PRKDC: variants seen among roughly 807,000 people sequenced by gnomAD.
The protein encoded by PRKDC is protein kinase, DNA-activated, catalytic subunit, also known as DNA-dependent protein kinase catalytic subunit.
A neutral mutation model predicts 486.9 loss-of-function variants in PRKDC; 82 were observed. The ratio of observed to expected loss-of-function variants is 0.17; its 90% confidence interval spans 0.14 to 0.20. The LOEUF (loss-of-function observed/expected upper bound fraction) is 0.20. PRKDC is among the 10% of genes least tolerant of loss of function. The pLI, the probability that PRKDC is intolerant of heterozygous loss-of-function variation, is 1.00. For missense variants in PRKDC, 4,504 were observed against 5,038.2 expected, an observed-to-expected ratio of 0.89 and a Z score of 3.21; for synonymous variants, 1,895 against 1,837.0, an observed-to-expected ratio of 1.03 and a Z score of -0.81.
chr8:47,863,613 A>C (rs1294059250), intron 41 of PRKDC, 36 bp from the exon 42 acceptor site: 31 of 1,514,384 alleles, frequency 2.0e-5, no homozygotes, highest in Non-Finnish European at 2.7e-5. Context: ...CTTTGGTCTT[A>C]TTAAACATGA....
At position 47,828,229 on chromosome 8, in the gene PRKDC, T is replaced by C; in HGVS notation, c.8516A>G (p.Asp2839Gly). The change falls in exon 62 of 86, where the codon GAC becomes GGC. Residue 2839 changes from aspartate (D) to glycine (G), a missense_variant. Transcript: ENST00000314191. ...KNNITQKLLQ[D>G]FNRFLNTTFS... ...GGTGGTATTAAGAAAACGATTGAAG[T>C]CTTGAAGCAACTTTTGAGTGATGTT... The C allele has an allele frequency of 1.2e-6, 2 of 1,613,756 alleles. No homozygotes were observed. Among genetic ancestry groups the C allele is most frequent in the East Asian group, 2.2e-5 (1 of 44,844 alleles).
chr8:47,819,755 C>CTA (rs2087541681), intron 66 of PRKDC, among the ~76,000 whole-genome samples: 1 of 152,120 alleles, frequency 6.6e-6, no homozygotes, highest in Non-Finnish European at 1.5e-5. Context: ...CATCACCAGG[C>CTA]TATCACTGCC....
Position 47,902,538 on chromosome 8 carries a change from GTT to G in PRKDC, c.3269+29_3269+30del, listed in dbSNP as rs778042430. On this transcript the variant is annotated intron_variant, in intron 27 of 85. Transcript: ENST00000314191. ...TCCAAGTCACCTTTCAAAACCACAA[GTT>G]TCTCTTCTCTGTTGTGTAGCTTACA... The G allele has an allele frequency of 2.1e-6, 3 of 1,424,698 alleles. No individual in the cohort carries two copies. The African/African-American group carries it at 4.3e-5, about 20-fold the overall frequency. 88.3% of individuals were successfully genotyped at this position (1,424,698 alleles called of 1,614,324 possible).
chr8:47,933,899 T>G, intron 15 of PRKDC, 66 bp downstream of exon 15: 1 of 1,452,576 alleles, frequency 6.9e-7, no homozygotes, highest in Admixed American at 2.1e-5. Context: ...ATAAGTCTTA[T>G]GTCTAAACTA....
Position 47,837,382 on chromosome 8 carries a change from A to G in PRKDC, c.7591T>C (p.Leu2531=). ...AACCGGTCCAAGGTATTTGAAGGTAACCTAGTTTCATGGCTCCAGAAATTT... is the reference window on the plus strand; with the variant it reads ...AACCGGTCCAAGGTATTTGAAGGTAGCCTAGTTTCATGGCTCCAGAAATTT... The part of the protein sequence containing the change: ...IRNFWSHETR[L]PSNTLDRLLA... Residue 2531 remains leucine (L), a synonymous_variant, in exon 57 of 86, where the codon TTA becomes CTA. Coordinates refer to ENST00000314191, the MANE Select transcript of PRKDC (RefSeq NM_006904.7). 6.2e-7 allele frequency: 1 copy of G among 1,612,210 alleles called. No individual in the cohort carries two copies. The highest frequency in any genetic ancestry group is 2.2e-5 in the East Asian group (1 of 44,864).
rs8178235 is a variant in PRKDC at position 47,785,144 on chromosome 8, C to T, written c.11076G>A (p.Val3692=). ...TCTCCAGCTCATTTCTCAGGAACTC[C>T]ACTTTGAAGTCGCTCATCCAGGGTG... ...ECSPWMSDFK[V]EFLRNELEIP... Residue 3692 remains valine, a synonymous_variant, in exon 77 of 86, where the codon GTG becomes GTA. Coordinates refer to ENST00000314191, the MANE Select transcript of PRKDC (RefSeq NM_006904.7). The T allele has an allele frequency of 1.0e-3, 1,685 of 1,613,966 alleles. 24 individuals are homozygous for T. In the East Asian group the frequency reaches 0.034, roughly 32 times the overall value.
chr8:47,904,155 C>T (rs1271045992), intron 26 of PRKDC, among the ~76,000 whole-genome samples: 1 of 152,172 alleles, frequency 6.6e-6, no homozygotes, highest in Non-Finnish European at 1.5e-5. Context: ...AATGCTTCTC[C>T]GTGTCAGGAG....
chr8:47,959,978 A>G lies in PRKDC; in HGVS notation c.149T>C (p.Val50Ala), dbSNP rs1339010531. The G allele has an allele frequency of 6.6e-7, 1 of 1,526,176 alleles. No individual in the cohort carries two copies. Among genetic ancestry groups the G allele is most frequent in the Admixed American group, 2.0e-5 (1 of 50,754 alleles). 94.5% of individuals were successfully genotyped at this position (1,526,176 alleles called of 1,614,324 possible). The change falls in exon 1 of 86, where the codon GTG (valine) becomes GCG (alanine). Residue 50 changes from valine to alanine, a missense_variant. Physicochemically the swap from Val to Ala is moderately conservative, Grantham distance 64. Transcript: ENST00000314191. ...CAGCTCGGGCCGGTACCCACCCAGC[A>G]CCGCGGGGCTGCTGCTCAGGACGCA... ...QECVLSSSPAVLALQTSLVFS... is the reference protein window; with the variant it reads ...QECVLSSSPAALALQTSLVFS...
intron 65 of PRKDC, 67 bp from the exon 66 acceptor site, chr8:47,821,010 TC>T (rs776834578): frequency 1.7e-4 from 172 of 991,488 alleles, no homozygotes; most frequent in Non-Finnish European, 2.2e-4. Context: ...TTATTTTATT[TC>T]TATTATATTC....
At chr8:47,814,564 A>G (rs1331858327) in intron 68 of PRKDC, among the ~76,000 whole-genome samples, 1 of 152,214 alleles carries the variant, frequency 6.6e-6, no homozygotes, top group South Asian at 2.1e-4. Flanking sequence ...ATACAATTTT[A>G]AAAATAAATC....
intron 10 of PRKDC, among the ~76,000 whole-genome samples, chr8:47,940,430 G>A (rs2154503996): frequency 6.6e-6 from 1 of 151,986 alleles, no homozygotes; most frequent in South Asian, 2.1e-4. Context: ...ATTATCAAAG[G>A]CAGAAAAAAA....
intron 73 of PRKDC, 36 bp from the exon 74 acceptor site, chr8:47,794,537 A>T (rs377171409): frequency 1.2e-5 from 17 of 1,465,680 alleles, no homozygotes; most frequent in Non-Finnish European, 1.6e-5. Context: ...GCTGAGTAAA[A>T]CATCTCACAT....
rs1329099601 is a variant in PRKDC, at chr8:47,900,465, T to C, written c.3272A>G (p.Glu1091Gly). 1 of 1,603,372 alleles carries C rather than the reference T, an allele frequency of 6.2e-7. No homozygotes were observed. Among genetic ancestry groups the C allele is most frequent in the East Asian group, 2.2e-5 (1 of 44,706 alleles). ...AFNNIYREFR[E>G]EESLVEQFVF... ...AAACTGTTCCACCAGAGACTCTTCT[T>C]CCCTGTAAAATAAAGAATAGGAAAC... The change falls in exon 28 of 86, where the codon GAA (glutamate) becomes GGA (glycine). Residue 1091 changes from glutamate to glycine, a missense_variant and splice_region_variant. By Grantham distance (98) the Glu-to-Gly change is moderately conservative. Around this residue, in one of 6 missense-constraint regions of PRKDC, gnomAD observed 1,969 missense variants for 2,068.9 expected, o/e 0.95. Transcript: ENST00000314191.
At chr8:47,831,694 C>G in intron 60 of PRKDC, 120 bp downstream of exon 60, 1 of 1,100,214 alleles carries the variant, frequency 9.1e-7, no homozygotes, top group East Asian at 2.4e-5. Flanking sequence ...TTGGAGCAGT[C>G]CCGCAACCTG....
intron 85 of PRKDC, 96 bp from the exon 86 acceptor site, chr8:47,774,473 C>T: frequency 1.8e-6 from 2 of 1,131,042 alleles, no homozygotes; most frequent in Non-Finnish European, 2.5e-6. Context: ...TTCCCCACGT[C>T]ATCACTCACA....
intron 84 of PRKDC, 113 bp downstream of exon 84, chr8:47,777,573 G>C: frequency 8.7e-7 from 1 of 1,148,568 alleles, no homozygotes; most frequent in Admixed American, 2.4e-5. Context: ...ACAAAATAAT[G>C]TAAATATTTT....
chr8:47,950,960 T>G (rs1372535055), intron 7 of PRKDC, among the ~76,000 whole-genome samples: 1 of 152,144 alleles, frequency 6.6e-6, no homozygotes, highest in African/African-American at 2.4e-5. Flanking sequence ...TACTTTTGCC[T>G]GGGGAGACCC....
chr8:47,925,454 T>C (rs2090142374), intron 21 of PRKDC, among the ~76,000 whole-genome samples: 1 of 152,226 alleles, frequency 6.6e-6, no homozygotes, highest in Admixed American at 6.5e-5. Flanking sequence ...TAAGAAAGGT[T>C]GAAGAACTAT....
chr8:47,862,385 T>G lies in PRKDC; in HGVS notation c.5907A>C (p.Glu1969Asp). The G allele has an allele frequency of 6.2e-7, 1 of 1,613,916 alleles. No individual in the cohort carries two copies. The highest frequency in any genetic ancestry group is 8.5e-7 in the Non-Finnish European group (1 of 1,179,788). ...AGGAGTGGCCTACCTTTTCTGGTTT[T>G]TCACTAAACAGAAAACCTTGGTAAA... Reference protein sequence around the residue: ...LKFYQGFLFSEKPEKNLLIFE... With the variant: ...LKFYQGFLFSDKPEKNLLIFE... The change falls in exon 43 of 86, where the codon GAA becomes GAC. Residue 1969 changes from glutamate (E) to aspartate (D), a missense_variant. Physicochemically the swap from Glu to Asp is conservative, Grantham distance 45 (BLOSUM62 2). Coordinates refer to ENST00000314191, the MANE Select transcript of PRKDC (RefSeq NM_006904.7).
Sources: gnomAD v4.1 joint callset for allele counts (sites outside exome capture counted in the v4.1 genomes callset) on GRCh38, gnomAD v4.1.1 for gene constraint, gnomAD v4.1.1 regional missense constraint, MANE v1.5 for transcripts, NCBI Gene and HGNC (gene_info 2026-07-23, HGNC 2026-07-21) for gene names.